PPP3CA: variants seen among roughly 807,000 people sequenced by gnomAD.
PPP3CA encodes the protein protein phosphatase 3 catalytic subunit alpha.
PPP3CA carries 14 observed loss-of-function variants against 66.5 expected under a neutral mutation model. That is an observed-to-expected ratio of 0.21 (90% CI 0.14 to 0.33). The LOEUF (loss-of-function observed/expected upper bound fraction) is 0.33, where lower values mean the gene tolerates loss of function less well. Ranked by LOEUF, PPP3CA falls within the 10% of genes least tolerant of loss-of-function variation. PPP3CA has a pLI of 1.00. For missense variants in PPP3CA, 317 were observed against 639.5 expected (o/e 0.50, Z 5.44); for synonymous variants, 232 against 226.2 (o/e 1.03, Z -0.23).
chr4:101,267,798 A>T (rs540670808), intron 1 of PPP3CA, among the ~76,000 whole-genome samples: 1 of 152,322 alleles, frequency 6.6e-6, no homozygotes, highest in Admixed American at 6.5e-5. Context: ...ATTGTGCAAG[A>T]ATTTATAACC....
chr4:101,173,944 T>C (rs1419841557), intron 2 of PPP3CA, among the ~76,000 whole-genome samples: 1 of 151,988 alleles, frequency 6.6e-6, no homozygotes, highest in Non-Finnish European at 1.5e-5. Context: ...CCCAGCTACC[T>C]GGGAGGCTGA....
chr4:101,185,265 G>C (rs1361443114), intron 2 of PPP3CA, among the ~76,000 whole-genome samples: 1 of 152,050 alleles, frequency 6.6e-6, no homozygotes, highest in Non-Finnish European at 1.5e-5. Context: ...GAATTTTGAA[G>C]AAAGAGGTGG....
chr4:101,224,589 C>T (rs1725723144), intron 1 of PPP3CA, among the ~76,000 whole-genome samples: 2 of 151,818 alleles, frequency 1.3e-5, no homozygotes, highest in South Asian at 4.1e-4. Context: ...TAAACCTACA[C>T]TAACACACTG....
At chr4:101,316,562 G>A (rs1728891352) in intron 1 of PPP3CA, among the ~76,000 whole-genome samples, 1 of 152,080 alleles carries the variant, frequency 6.6e-6, no homozygotes, top group African/African-American at 2.4e-5. Flanking sequence ...GCTAAGTTCT[G>A]CCAGTAGAAG....
At chr4:101,028,018 T>C (rs981098805) in intron 13 of PPP3CA, among the ~76,000 whole-genome samples, 1 of 152,152 alleles carries the variant, frequency 6.6e-6, no homozygotes, top group Non-Finnish European at 1.5e-5. Flanking sequence ...AATAGAGAAT[T>C]CCCACATAAA....
intron 1 of PPP3CA, among the ~76,000 whole-genome samples, chr4:101,289,027 T>C (rs1727934927): frequency 6.6e-6 from 1 of 151,400 alleles, no homozygotes; most frequent in Admixed American, 6.6e-5. Flanking sequence ...AAAAACAAGC[T>C]CTTACTTACC....
intron 3 of PPP3CA, among the ~76,000 whole-genome samples, chr4:101,100,635 G>A (rs1174154639): frequency 1.3e-5 from 2 of 152,126 alleles, no homozygotes; most frequent in African/African-American, 4.8e-5. Context: ...ACTGACATTT[G>A]TTAAGAATCC....
At chr4:101,120,595 AATG>A (rs1190746553) in intron 2 of PPP3CA, among the ~76,000 whole-genome samples, 6 of 128,890 alleles carry the variant, frequency 4.7e-5, no homozygotes, top group Non-Finnish European at 7.6e-5. Context: ...TTACTTTTAT[AATG>A]ATGTTTTCAC....
At chr4:101,317,451 C>T (rs1728917062) in intron 1 of PPP3CA, among the ~76,000 whole-genome samples, 1 of 152,136 alleles carries the variant, frequency 6.6e-6, no homozygotes, top group Non-Finnish European at 1.5e-5. Flanking sequence ...CAAGACTAAA[C>T]ATTCCCAGTA....
intron 1 of PPP3CA, among the ~76,000 whole-genome samples, chr4:101,310,338 G>A (rs1728682696): frequency 6.6e-6 from 1 of 152,038 alleles, no homozygotes; most frequent in Admixed American, 6.6e-5. Flanking sequence ...GACCTCAAGG[G>A]TTTTCAAAAA....
intron 2 of PPP3CA, among the ~76,000 whole-genome samples, chr4:101,128,032 C>T (rs529783603): frequency 6.6e-6 from 1 of 152,284 alleles, no homozygotes. Context: ...ACATATAGGA[C>T]TTTCTGCCAT....
intron 1 of PPP3CA, among the ~76,000 whole-genome samples, chr4:101,282,530 G>A (rs1281060952): frequency 6.6e-6 from 1 of 152,130 alleles, no homozygotes; most frequent in Non-Finnish European, 1.5e-5. Flanking sequence ...TTCTAGTCCT[G>A]GCTTCCTGTG....
intron 1 of PPP3CA, among the ~76,000 whole-genome samples, chr4:101,322,663 G>T (rs913246781): frequency 2.0e-5 from 3 of 152,084 alleles, no homozygotes; most frequent in African/African-American, 4.8e-5. Flanking sequence ...GTCCGACCCA[G>T]CCTCCCAAAG....
At chr4:101,267,076 G>A (rs144792938) in intron 1 of PPP3CA, among the ~76,000 whole-genome samples, 10 of 152,248 alleles carry the variant, frequency 6.6e-5, no homozygotes, top group Non-Finnish European at 8.8e-5. Flanking sequence ...GCCCTGGGGC[G>A]TCCTCAGTTA....
chr4:101,278,140 T>TAAAAAAAAAAAAAAACAAAAAAAAAAAA (rs1394423187), intron 1 of PPP3CA, among the ~76,000 whole-genome samples: 1 of 118,736 alleles, frequency 8.4e-6, no homozygotes, highest in Non-Finnish European at 1.8e-5. Context: ...AAAAAAAAAA[T>TAAAAAAAAAAAAAAACAAAAAAAAAAAA]AAAAAAATTA....
intron 1 of PPP3CA, among the ~76,000 whole-genome samples, chr4:101,309,838 AC>A (rs1441014898): frequency 6.6e-6 from 1 of 152,216 alleles, no homozygotes; most frequent in South Asian, 2.1e-4. Context: ...CAACTTAATA[AC>A]AAAAAATATT....
At chr4:101,282,563 C>T (rs890904775) in intron 1 of PPP3CA, among the ~76,000 whole-genome samples, 7 of 152,218 alleles carry the variant, frequency 4.6e-5, no homozygotes, top group Non-Finnish European at 7.3e-5. Context: ...TTGACTCACA[C>T]TCATTCTGGG....
rs1726564409 is a variant in PPP3CA at position 101,025,062 on chromosome 4, G to T, written c.*803C>A. ...ATTTAATTCAGCAAGCCACAACCAAGACTTGATTTTATCAACAAAAACCCC... is the reference window on the plus strand; with the variant it reads ...ATTTAATTCAGCAAGCCACAACCAATACTTGATTTTATCAACAAAAACCCC... On this transcript the variant is annotated 3_prime_UTR_variant, in exon 14 of 14. Transcript: ENST00000394854. The T allele has an allele frequency of 6.6e-6, 1 of 151,558 alleles. No individual in the cohort carries two copies. The highest frequency in any genetic ancestry group is 2.1e-4 in the South Asian group (1 of 4,804). 9.4% of individuals were successfully genotyped at this position (151,558 alleles called of 1,614,324 possible). A position where few individuals can be genotyped will look rare whatever the true frequency, so the allele number is the denominator to read the frequency against.
intron 2 of PPP3CA, among the ~76,000 whole-genome samples, chr4:101,176,070 G>A (rs551521373): frequency 4.5e-4 from 68 of 152,160 alleles, no homozygotes; most frequent in Admixed American, 9.8e-4. Flanking sequence ...CAAACATCAC[G>A]CCTCTCAGGT....
Sources: allele counts gnomAD v4.1 joint callset (sites outside exome capture counted in the v4.1 genomes callset), GRCh38; gene constraint gnomAD v4.1.1; transcripts MANE v1.5; gene names NCBI Gene and HGNC (gene_info 2026-07-23, HGNC 2026-07-21).